The following ZNF487 variants were observed in gnomAD, a reference collection of about 807,000 sequenced individuals.
The protein encoded by ZNF487 is KRAB domain only 1.
ZNF487 carries 4 observed loss-of-function variants against 3.0 expected under a neutral mutation model. The observed-to-expected ratio is 1.35, with a 90% CI of 0.66 to 3.08. The LOEUF is 3.08. Among genes scored for constraint, ZNF487 ranks in the 30% most tolerant of loss-of-function variants. The pLI is 0.01. For synonymous variants in ZNF487, 55 were observed against 34.6 expected (o/e 1.59, Z -2.06); for missense variants, 146 against 98.7 (o/e 1.48, Z -2.03).
intron 1 of ZNF487, among the ~76,000 whole-genome samples, chr10:43,442,595 C>T (rs1483004053): frequency 1.3e-5 from 2 of 152,148 alleles, no homozygotes; most frequent in African/African-American, 4.8e-5. Context: ...AGGCGCCTGC[C>T]ACTGCGCCTG....
At chr10:43,450,245 T>A (rs1018429081) in intron 1 of ZNF487, among the ~76,000 whole-genome samples, 5 of 151,540 alleles carry the variant, frequency 3.3e-5, no homozygotes, top group Non-Finnish European at 7.4e-5. Flanking sequence ...ACAGGGTTTC[T>A]CCATGTTGGT....
chr10:43,512,106 T>A, the ZNF487 span, among the ~76,000 whole-genome samples: 3 of 152,218 alleles, frequency 2.0e-5, no homozygotes, highest in Admixed American at 6.5e-5. Flanking sequence ...CCTTCAGAGA[T>A]GTCCTAGAAA....
At chr10:43,450,667 C>T (rs1360296573) in intron 1 of ZNF487, among the ~76,000 whole-genome samples, 1 of 151,908 alleles carries the variant, frequency 6.6e-6, no homozygotes, top group East Asian at 1.9e-4. Flanking sequence ...TTTTAAGTGC[C>T]CAGAATAATT....
chr10:43,469,951 CAA>C (rs61067183), intron 1 of ZNF487, among the ~76,000 whole-genome samples: 2 of 133,790 alleles, frequency 1.5e-5, no homozygotes, highest in Non-Finnish European at 1.6e-5. Flanking sequence ...CTCTGTCTTC[CAA>C]AAAAAAAAAA....
At chr10:43,439,371 C>T (rs1282129463) in intron 1 of ZNF487, among the ~76,000 whole-genome samples, 1 of 151,954 alleles carries the variant, frequency 6.6e-6, no homozygotes, top group African/African-American at 2.4e-5. Flanking sequence ...CTGTACTCCA[C>T]CCTGAGTGAC....
intron 1 of ZNF487, among the ~76,000 whole-genome samples, chr10:43,458,789 T>G (rs1225873394): frequency 6.6e-6 from 1 of 151,934 alleles, no homozygotes; most frequent in Admixed American, 6.6e-5. Flanking sequence ...TTTCTAGGGA[T>G]GGAGGCACCT....
intron 1 of ZNF487, among the ~76,000 whole-genome samples, chr10:43,473,668 T>C (rs560888346): frequency 1.2e-4 from 17 of 147,684 alleles, no homozygotes; most frequent in East Asian, 4.0e-4. Context: ...ACAGGCCCCC[T>C]TTTTTTTTTC....
chr10:43,485,870 CTA>C (rs1343184459), downstream of ZNF487, among the ~76,000 whole-genome samples: 14 of 152,106 alleles, frequency 9.2e-5, no homozygotes, highest in African/African-American at 3.4e-4. Context: ...CATCTTCAGA[CTA>C]TTTCAGTAAA....
intron 1 of ZNF487, among the ~76,000 whole-genome samples, chr10:43,473,133 T>G: frequency 6.7e-6 from 1 of 148,752 alleles, no homozygotes; most frequent in East Asian, 2.0e-4. Flanking sequence ...TGAGATAGAG[T>G]TTCCCTCTTG....
the ZNF487 span, among the ~76,000 whole-genome samples, chr10:43,512,345 G>A: frequency 9.2e-5 from 14 of 152,216 alleles, no homozygotes; most frequent in African/African-American, 2.6e-4. Context: ...GGACCTGCTC[G>A]AGCCTGATCA....
chr10:43,507,734 A>G, the ZNF487 span, among the ~76,000 whole-genome samples: 1 of 152,214 alleles, frequency 6.6e-6, no homozygotes, highest in East Asian at 1.9e-4. Context: ...ACCTTCCTGG[A>G]TGTGGATCCT....
chr10:43,474,915 T>C (rs1328485241), intron 1 of ZNF487, among the ~76,000 whole-genome samples: 1 of 151,748 alleles, frequency 6.6e-6, no homozygotes, highest in African/African-American at 2.4e-5. Context: ...TTTTAAAAAA[T>C]ATCAATTCTA....
chr10:43,496,129 C>T, the ZNF487 span: 1 of 529,234 alleles, frequency 1.9e-6, no homozygotes, highest in South Asian at 1.4e-5. Context: ...ACTACAGCCT[C>T]CTCATCTCAG....
the ZNF487 span, among the ~76,000 whole-genome samples, chr10:43,492,087 C>T: frequency 6.6e-6 from 1 of 151,754 alleles, no homozygotes; most frequent in Non-Finnish European, 1.5e-5. Context: ...AGCCACCACG[C>T]TGCCACATCC....
At chr10:43,507,460 TC>T in the ZNF487 span, among the ~76,000 whole-genome samples, 1 of 152,172 alleles carries the variant, frequency 6.6e-6, no homozygotes, top group East Asian at 1.9e-4. Context: ...TTCCCCTGCT[TC>T]TGTTCAGCGT....
At chr10:43,464,947 C>T (rs577632590) in intron 1 of ZNF487, among the ~76,000 whole-genome samples, 2,781 of 151,100 alleles carry the variant, frequency 0.018, 32 homozygotes, top group South Asian at 0.038. Context: ...TAGGGGCGGC[C>T]GGGCAGAGGC....
intron 1 of ZNF487, among the ~76,000 whole-genome samples, chr10:43,462,734 A>T (rs1303029358): frequency 1.3e-5 from 2 of 148,578 alleles, no homozygotes; most frequent in African/African-American, 5.0e-5. Flanking sequence ...GATTACAGGC[A>T]TGAGCCACTG....
intron 1 of ZNF487, among the ~76,000 whole-genome samples, chr10:43,451,464 C>T (rs866416920): frequency 1.3e-5 from 2 of 149,708 alleles, no homozygotes; most frequent in African/African-American, 4.9e-5. Flanking sequence ...AGGCTGGTCT[C>T]GAAGTCCTGA....
intron 1 of ZNF487, chr10:43,453,748 G>A (rs541047015): frequency 6.7e-6 from 1 of 148,812 alleles, no homozygotes; most frequent in Non-Finnish European, 1.5e-5. Context: ...GTAGACTGAA[G>A]AGCTAGCAGC....
Sources: gnomAD v4.1 joint callset for allele counts (sites outside exome capture counted in the v4.1 genomes callset) on GRCh38, gnomAD v4.1.1 for gene constraint, MANE v1.5 for transcripts, NCBI Gene and HGNC (gene_info 2026-07-23, HGNC 2026-07-21) for gene names.